The following PRELID2 variants were observed in gnomAD, a reference collection of about 807,000 sequenced individuals.
PRELID2 encodes the protein PRELI domain containing 2, also known as PRELI domain-containing protein 2.
PRELID2 carries 25 observed loss-of-function variants against 28.4 expected under a neutral mutation model. That is an observed-to-expected ratio of 0.88 (90% CI 0.64 to 1.23). The LOEUF is 1.23. Among genes scored for constraint, PRELID2 ranks in the 50% most tolerant of loss-of-function variants. The probability of loss-of-function intolerance (pLI) is 0.00; values close to 1 mark genes in which losing one functional copy is unlikely to be tolerated. For synonymous variants in PRELID2, 76 were observed against 71.6 expected (o/e 1.06, Z -0.31); for missense variants, 201 against 214.4 (o/e 0.94, Z 0.39).
chr5:145,665,515 T>C (rs1437951652), intron 1 of PRELID2, among the ~76,000 whole-genome samples: 1 of 152,112 alleles, frequency 6.6e-6, no homozygotes, highest in South Asian at 2.1e-4. Flanking sequence ...TCTGCCACCA[T>C]AGTCAGTAAT....
chr5:145,805,659 G>T (rs1206811331), intron 4 of PRELID2, among the ~76,000 whole-genome samples: 2 of 152,142 alleles, frequency 1.3e-5, no homozygotes, highest in East Asian at 3.9e-4. Flanking sequence ...ATACAATTGT[G>T]TATCACCTAA....
chr5:145,401,667 C>G, the PRELID2 span, among the ~76,000 whole-genome samples: 1 of 152,154 alleles, frequency 6.6e-6, no homozygotes, highest in Non-Finnish European at 1.5e-5. Context: ...CCCACCATTA[C>G]AGATGAGACA....
chr5:145,388,452 C>G, the PRELID2 span, among the ~76,000 whole-genome samples: 2 of 152,208 alleles, frequency 1.3e-5, no homozygotes, highest in Non-Finnish European at 2.9e-5. Context: ...TTTTCCCACT[C>G]CCATCAATTG....
chr5:145,314,502 G>C, the PRELID2 span, among the ~76,000 whole-genome samples: 1 of 151,986 alleles, frequency 6.6e-6, no homozygotes, highest in Admixed American at 6.5e-5. Flanking sequence ...ATTTATAATA[G>C]TGTGGAAAAT....
intron 1 of PRELID2, among the ~76,000 whole-genome samples, chr5:145,730,488 T>C (rs1756307529): frequency 6.6e-6 from 1 of 152,184 alleles, no homozygotes; most frequent in Non-Finnish European, 1.5e-5. Flanking sequence ...ATTTGTAATT[T>C]TGCTGAGGCA....
At chr5:145,520,956 T>A (rs528983841) in intron 1 of PRELID2, among the ~76,000 whole-genome samples, 1 of 152,206 alleles carries the variant, frequency 6.6e-6, no homozygotes, top group Non-Finnish European at 1.5e-5. Context: ...TGCATTAACG[T>A]GTTCCCATTT....
chr5:145,252,391 C>A, the PRELID2 span, among the ~76,000 whole-genome samples: 1 of 152,026 alleles, frequency 6.6e-6, no homozygotes, highest in South Asian at 2.1e-4. Context: ...GCCAGCTCTG[C>A]CTCAAGCCAT....
the PRELID2 span, among the ~76,000 whole-genome samples, chr5:145,373,126 T>C: frequency 6.4e-5 from 3 of 47,116 alleles, no homozygotes; most frequent in East Asian, 1.5e-3. Flanking sequence ...ATAATATACA[T>C]GATATATATT....
At chr5:145,615,947 C>T (rs1020432233) in intron 1 of PRELID2, among the ~76,000 whole-genome samples, 1 of 152,186 alleles carries the variant, frequency 6.6e-6, no homozygotes, top group Non-Finnish European at 1.5e-5. Flanking sequence ...TGGCAAATTA[C>T]CTCAGCATTT....
At chr5:145,507,934 A>G (rs1330297100) in intron 1 of PRELID2, among the ~76,000 whole-genome samples, 1 of 152,186 alleles carries the variant, frequency 6.6e-6, no homozygotes, top group East Asian at 1.9e-4. Flanking sequence ...TTAGAAGGGT[A>G]AATTAAGGGA....
the PRELID2 span, among the ~76,000 whole-genome samples, chr5:145,231,069 A>T: frequency 6.6e-6 from 1 of 152,198 alleles, no homozygotes; most frequent in Non-Finnish European, 1.5e-5. Flanking sequence ...AGTTAAGAAG[A>T]GGGAAATCAG....
intron 1 of PRELID2, among the ~76,000 whole-genome samples, chr5:145,696,156 C>CTTTTTTTTT (rs10591669): frequency 5.0e-5 from 3 of 60,018 alleles, no homozygotes; most frequent in African/African-American, 9.9e-5. Context: ...TAAATAATAG[C>CTTTTTTTTT]TTTTTTTTTT....
chr5:145,250,110 T>C, the PRELID2 span, among the ~76,000 whole-genome samples: 1 of 152,130 alleles, frequency 6.6e-6, no homozygotes, highest in Non-Finnish European at 1.5e-5. Flanking sequence ...GGGAAGGCAA[T>C]ATTATTGGAT....
chr5:145,585,656 AAAC>A (rs1753147299), intron 1 of PRELID2, among the ~76,000 whole-genome samples: 2 of 152,110 alleles, frequency 1.3e-5, no homozygotes, highest in Admixed American at 1.3e-4. Context: ...AGCACATACT[AAAC>A]AATAAACGAA....
intron 1 of PRELID2, among the ~76,000 whole-genome samples, chr5:145,691,072 G>C (rs1333801369): frequency 6.6e-6 from 1 of 152,120 alleles, no homozygotes; most frequent in Non-Finnish European, 1.5e-5. Context: ...ACCTATTTTG[G>C]AAATTGTTTA....
At chr5:145,302,592 T>C in the PRELID2 span, among the ~76,000 whole-genome samples, 1 of 152,076 alleles carries the variant, frequency 6.6e-6, no homozygotes. Context: ...TAGCCAATAT[T>C]CTTTTTTATT....
intron 4 of PRELID2, among the ~76,000 whole-genome samples, chr5:145,809,192 C>T (rs1298234568): frequency 6.6e-6 from 1 of 152,124 alleles, no homozygotes; most frequent in African/African-American, 2.4e-5. Flanking sequence ...CAGGCACACA[C>T]CACCACACCC....
At chr5:145,668,446 A>T (rs1001537479) in intron 1 of PRELID2, among the ~76,000 whole-genome samples, 27 of 151,152 alleles carry the variant, frequency 1.8e-4, no homozygotes, top group Non-Finnish European at 2.4e-4. Context: ...TCTAGATTTT[A>T]AAAAAAAAGG....
the PRELID2 span, among the ~76,000 whole-genome samples, chr5:145,237,867 A>G: frequency 6.6e-6 from 1 of 152,136 alleles, no homozygotes; most frequent in Non-Finnish European, 1.5e-5. Flanking sequence ...AGAAGTGGTC[A>G]GTGTTACTGA....
Sources: gnomAD v4.1 joint callset for allele counts (sites outside exome capture counted in the v4.1 genomes callset) on GRCh38, gnomAD v4.1.1 for gene constraint, MANE v1.5 for transcripts, NCBI Gene and HGNC (gene_info 2026-07-23, HGNC 2026-07-21) for gene names.